The following OPLAH variants were observed in gnomAD, a reference collection of about 807,000 sequenced individuals.
OPLAH encodes the protein 5-oxoprolinase.
A neutral mutation model predicts 122.8 loss-of-function variants in OPLAH; 103 were observed. The ratio of observed to expected loss-of-function variants is 0.84; its 90% CI spans 0.71 to 0.99. The LOEUF is 0.99. Ranked by LOEUF, OPLAH falls within the 50% of genes least tolerant of loss-of-function variation. The pLI, the probability that OPLAH is intolerant of heterozygous loss-of-function variation, is 0.00. For synonymous variants in OPLAH, 875 were observed against 796.0 expected, an observed-to-expected ratio of 1.10 and a Z score of -1.67; for missense variants, 1,902 against 1,836.5, an observed-to-expected ratio of 1.04 and a Z score of -0.65.
chr8:144,050,340 G>A, downstream of OPLAH: 1 of 968,764 alleles, frequency 1.0e-6, no homozygotes, highest in Non-Finnish European at 1.2e-6. Flanking sequence ...TGACGCCGCT[G>A]CTGGACTGGG....
At position 144,058,163 on chromosome 8, in the gene OPLAH, G is replaced by GTGC. The variant is rs781963203; in HGVS notation, c.950-18_950-16dup. 2 of 1,611,756 alleles carry GTGC rather than the reference G, an allele frequency of 1.2e-6. No individual in the cohort carries two copies. The highest frequency in any genetic ancestry group is 2.2e-5 in the South Asian group (2 of 91,028). ...CGTGGACGTGCCTGGCAGGGGTGGG[G>GTGC]TGCTGGTGGGTCACTTGAAGACCCA... On this transcript the variant is annotated splice_polypyrimidine_tract_variant and intron_variant, in intron 7 of 26. Transcript: ENST00000618853.
rs1363381505 is a variant in OPLAH at position 144,053,394 on chromosome 8, C to G, written c.2687-1G>C. The stretch of plus-strand genomic sequence containing the variant: ...GGCGCCCGCAGGGCCTCCGTCACCG[C>G]TGGATGGACAGTGTCATCACTGAGC... On this transcript the variant is annotated splice_acceptor_variant, in intron 19 of 26. Coordinates refer to ENST00000618853, the MANE Select transcript of OPLAH (RefSeq NM_017570.5). LOFTEE classifies it high-confidence loss of function. 3 of 1,606,082 alleles carry G rather than the reference C, an allele frequency of 1.9e-6. No individual in the cohort carries two copies. Among genetic ancestry groups the G allele is most frequent in the Non-Finnish European group, 2.5e-6 (3 of 1,176,594 alleles).
In OPLAH at chr8:144,052,003, C is replaced by A. The variant is rs782126157; in HGVS notation, c.3535G>T (p.Gly1179Cys). The A allele has an allele frequency of 6.3e-7, 1 of 1,586,760 alleles. No homozygotes were observed. The highest frequency in any genetic ancestry group is 1.7e-5 in the Admixed American group (1 of 58,576). Residue 1179 changes from glycine (G) to cysteine (C), a missense_variant, in exon 25 of 27, where the codon GGC becomes TGC. Transcript: ENST00000618853. ...GGRGRFRGGD[G>C]VTRELLFREE... is the part of the protein sequence containing the mutation. ...CGAAAGAGCAGCTCGCGGGTGACGC[C>A]GTCGCCGCCTCGGAAGCGGCCTCTG...
upstream of OPLAH, among the ~76,000 whole-genome samples, chr8:144,061,430 C>T (rs1835661409): frequency 6.6e-6 from 1 of 151,960 alleles, no homozygotes; most frequent in Non-Finnish European, 1.5e-5. Flanking sequence ...GCAGGAGAAT[C>T]GCTGGAACCC....
At position 144,055,391 on chromosome 8, in the gene OPLAH, G is replaced by A. The variant is rs1446468741; in HGVS notation, c.2249-202C>T. On this transcript the variant is annotated intron_variant, in intron 16 of 26. Transcript: ENST00000618853. This position sits in a 1 kb window ranked among gnomAD's most constrained non-coding sequence, Gnocchi z 6.5. Reference sequence around the variant, plus strand: ...AAAGGACACCACCTTCCCCAGCCCTGCCTGGAGCCCCCAGCAAGAACCCAG... The same window carrying A: ...AAAGGACACCACCTTCCCCAGCCCTACCTGGAGCCCCCAGCAAGAACCCAG... 6.6e-6 allele frequency among the ~76,000 whole-genome samples: 1 copy of A among 152,060 alleles called. No homozygotes were observed. Among genetic ancestry groups the A allele is most frequent in the African/African-American group, 2.4e-5 (1 of 41,414 alleles).
In OPLAH at chr8:144,058,888, C is replaced by T. The variant is rs1835599345; in HGVS notation, c.472G>A (p.Gly158Arg). Residue 158 changes from glycine to arginine, a missense_variant, in exon 5 of 27, where the codon GGG becomes AGG. By Grantham distance (125) the Gly-to-Arg change is moderately radical. Coordinates refer to ENST00000618853, the MANE Select transcript of OPLAH (RefSeq NM_017570.5). Reference protein sequence around the residue: ...GTGTPVKGRTGDLLEVQQPVD... With the variant: ...GTGTPVKGRTRDLLEVQQPVD... Reference sequence around the variant, plus strand: ...GGCTGCTGCACTTCCAGCAGGTCCCCCGTGCGGCCTTCCAGAAAAGCCCAG... The same window carrying T: ...GGCTGCTGCACTTCCAGCAGGTCCCTCGTGCGGCCTTCCAGAAAAGCCCAG... 6.4e-7 allele frequency: 1 copy of T among 1,550,678 alleles called. No homozygotes were observed. Among genetic ancestry groups the T allele is most frequent in the Non-Finnish European group, 8.7e-7 (1 of 1,146,536 alleles).
rs1433268947 is a variant in OPLAH at position 144,053,112 on chromosome 8, G to C, written c.2889C>G (p.Ala963=). 7 of 1,606,510 alleles carry C rather than the reference G, an allele frequency of 4.4e-6. No individual in the cohort carries two copies. Among genetic ancestry groups the C allele is most frequent in the South Asian group, 3.3e-5 (3 of 89,994 alleles). Residue 963 remains alanine, a synonymous_variant, in exon 21 of 27, where the codon GCC becomes GCG. Coordinates refer to ENST00000618853, the MANE Select transcript of OPLAH (RefSeq NM_017570.5). ...CAAAGGCACGCAACATGTCTCGCAC[G>C]GCCAGCTCAGCGTTTGCCTGGCAGG... ...MGHIQANAEL[A]VRDMLRAFGT...
At position 144,056,712 on chromosome 8, in the gene OPLAH, C is replaced by T; in HGVS notation, c.1750G>A (p.Gly584Ser). 2 of 1,611,186 alleles carry T rather than the reference C, an allele frequency of 1.2e-6. No individual in the cohort carries two copies. The highest frequency in any genetic ancestry group is 1.7e-6 in the Non-Finnish European group (2 of 1,179,298). The change falls in exon 13 of 27, where the codon GGC becomes AGC. Residue 584 changes from glycine to serine, a missense_variant. This residue lies in a region of OPLAH where 1,726 missense variants were observed against 1,642.1 expected (regional missense o/e 1.05). Coordinates refer to ENST00000618853, the MANE Select transcript of OPLAH (RefSeq NM_017570.5). The stretch of plus-strand genomic sequence containing the variant: ...GACACCATCAGAGCACAGTCCGTGC[C>T]CTGGTAGCGCAGGTGCAGGAAGCTC... ...TESFLHLRYQ[G>S]TDCALMVSAH... is the part of the protein sequence containing the mutation.
chr8:144,059,699 A>T lies in OPLAH; in HGVS notation c.263T>A (p.Leu88Gln), dbSNP rs781807122. The change falls in exon 3 of 27, where the codon CTG (leucine) becomes CAG (glutamine). Residue 88 changes from leucine to glutamine, a missense_variant. By Grantham distance (113) the Leu-to-Gln change is moderately radical. Coordinates refer to ENST00000618853, the MANE Select transcript of OPLAH (RefSeq NM_017570.5). ...CACCCGCTCCCCCTTCCGCTCCAGC[A>T]GTGCGTTGGTGGCCACTGTGGTGCC... ...RMGTTVATNA[L>Q]LERKGERVAL... 6 of 1,612,038 alleles carry T rather than the reference A, an allele frequency of 3.7e-6. No individual in the cohort carries two copies. The highest frequency in any genetic ancestry group is 5.1e-6 in the Non-Finnish European group (6 of 1,179,826).
intron 9 of OPLAH, 48 bp downstream of exon 9, chr8:144,057,805 TGCG>T: frequency 6.2e-7 from 1 of 1,604,398 alleles, no homozygotes; most frequent in Non-Finnish European, 8.5e-7. Context: ...GGGCTGGGCC[TGCG>T]GCGGCAAGCG....
chr8:144,056,384 C>A lies in OPLAH; in HGVS notation c.1983+1G>T, dbSNP rs1554759078. On this transcript the variant is annotated splice_donor_variant, in intron 14 of 26. Coordinates refer to ENST00000618853, the MANE Select transcript of OPLAH (RefSeq NM_017570.5). LOFTEE classifies it high-confidence loss of function. Reference sequence around the variant, plus strand: ...AGGCTGGCACAGGCAGGACCACCAACCTTGTCCACCCGGGGAGGCCCGGTC... The same window carrying A: ...AGGCTGGCACAGGCAGGACCACCAAACTTGTCCACCCGGGGAGGCCCGGTC... The A allele has an allele frequency of 1.9e-5, 30 of 1,603,550 alleles. No individual in the cohort carries two copies. Among genetic ancestry groups the A allele is most frequent in the Non-Finnish European group, 2.5e-5 (29 of 1,175,434 alleles).
chr8:144,055,965 T>A lies in OPLAH; in HGVS notation c.2097-26A>T. ...CTGGGGAGCAGAGGGCACAGAGGGC[T>A]GCATGGGGCCAGGCGACACCCCTCC... On this transcript the variant is annotated intron_variant, in intron 15 of 26. Coordinates refer to ENST00000618853, the MANE Select transcript of OPLAH (RefSeq NM_017570.5). The surrounding 1 kb of genome is among the most constrained non-coding windows in gnomAD (Gnocchi z 6.5). The A allele has an allele frequency of 6.5e-7, 1 of 1,540,380 alleles. No homozygotes were observed.
At position 144,055,017 on chromosome 8, in the gene OPLAH, G is replaced by C; in HGVS notation, c.2409+12C>G. The C allele has an allele frequency of 6.8e-7, 1 of 1,469,598 alleles. No homozygotes were observed. The highest frequency in any genetic ancestry group is 1.4e-5 in the South Asian group (1 of 72,666). The allele number at this position is 1,469,598 out of a possible 1,614,324, so 91.0% of individuals were successfully genotyped here. ...GGAGGGGGATGGAAGGGTGAGGCGG[G>C]GGAAGGGCCACCTGGAACTGCACCG... On this transcript the variant is annotated intron_variant, in intron 17 of 26. Coordinates refer to ENST00000618853, the MANE Select transcript of OPLAH (RefSeq NM_017570.5). This position sits in a 1 kb window ranked among gnomAD's most constrained non-coding sequence, Gnocchi z 6.5.
At chr8:144,062,153 A>G (rs1835674213), upstream of OPLAH, among the ~76,000 whole-genome samples, 1 of 152,196 alleles carries the variant, frequency 6.6e-6, no homozygotes, top group Non-Finnish European at 1.5e-5. Context: ...CTTTCTTTCA[A>G]GAAATCCAAG....
At position 144,058,061 on chromosome 8, in the gene OPLAH, T is replaced by G; in HGVS notation, c.1037A>C (p.Gln346Pro). 6.2e-7 allele frequency: 1 copy of G among 1,612,454 alleles called. No homozygotes were observed. The highest frequency in any genetic ancestry group is 8.5e-7 in the Non-Finnish European group (1 of 1,179,798). ...CGCTGCCACGGTGTTGATGTCCAGC[T>G]GCGGGGCCTGGAGGGTGACGCCAGC... ...STAGVTLQAP[Q>P]LDINTVAAGG... is the part of the protein sequence containing the mutation. Residue 346 changes from glutamine to proline, a missense_variant, in exon 8 of 27, where the codon CAG (glutamine) becomes CCG (proline). Transcript: ENST00000618853.
chr8:144,056,038 G>A (rs1012678816), intron 15 of OPLAH, 99 bp from the exon 16 acceptor site: 10 of 1,500,456 alleles, frequency 6.7e-6, no homozygotes, highest in South Asian at 1.3e-5. Context: ...CAACGATGGT[G>A]GGATACAGAG....
At position 144,058,053 on chromosome 8, in the gene OPLAH, T is replaced by A; in HGVS notation, c.1045A>T (p.Ile349Phe). The A allele has an allele frequency of 6.2e-7, 1 of 1,612,474 alleles. No individual in the cohort carries two copies. Among genetic ancestry groups the A allele is most frequent in the Non-Finnish European group, 8.5e-7 (1 of 1,179,792 alleles). Residue 349 changes from isoleucine (I) to phenylalanine (F), a missense_variant, in exon 8 of 27, where the codon ATC becomes TTC. Coordinates refer to ENST00000618853, the MANE Select transcript of OPLAH (RefSeq NM_017570.5). The stretch of plus-strand genomic sequence containing the variant: ...CCCCCTCCCGCTGCCACGGTGTTGA[T>A]GTCCAGCTGCGGGGCCTGGAGGGTG... ...GVTLQAPQLD[I>F]NTVAAGGGSR...
rs546488295 is a variant in OPLAH, at chr8:144,056,856, G to A, written c.1706+92C>T. ...ACCTGTTCTGCTTCTCGCACACCCCGGGACCACCTGGGAAGTCATCAGGAG... is the reference window on the plus strand; with the variant it reads ...ACCTGTTCTGCTTCTCGCACACCCCAGGACCACCTGGGAAGTCATCAGGAG... On this transcript the variant is annotated intron_variant, in intron 12 of 26. Transcript: ENST00000618853. 3.8e-4 allele frequency: 539 copies of A among 1,424,000 alleles called. 2 individuals are homozygous for A. The highest frequency in any genetic ancestry group is 4.0e-4 in the Non-Finnish European group (433 of 1,072,174). 88.2% of individuals were successfully genotyped at this position (1,424,000 alleles called of 1,614,324 possible).
intron 17 of OPLAH, 56 bp downstream of exon 17, chr8:144,054,973 G>T (rs1295199832): frequency 6.4e-6 from 7 of 1,095,198 alleles, no homozygotes; most frequent in South Asian, 3.5e-5. Context: ...AGCGGGGTGG[G>T]GGGGGGGTGG....
Sources: gnomAD v4.1 joint callset for allele counts (sites outside exome capture counted in the v4.1 genomes callset) on GRCh38, gnomAD v4.1.1 for gene constraint, gnomAD v4.1.1 regional missense constraint, Gnocchi (gnomAD v3.1) non-coding constraint, MANE v1.5 for transcripts, NCBI Gene and HGNC (gene_info 2026-07-23, HGNC 2026-07-21) for gene names.